Variants in EFCAB6 observed in about 807,000 individuals in gnomAD.
EFCAB6 encodes EF-hand calcium binding domain 6, also known as EF-hand calcium-binding domain-containing protein 6.
Under a neutral mutation model 169.8 loss-of-function variants are expected in EFCAB6, and 156 were observed. The ratio of observed to expected loss-of-function variants is 0.92; its 90% confidence interval spans 0.81 to 1.05. The LOEUF (loss-of-function observed/expected upper bound fraction) is 1.05. EFCAB6 is among the 50% of genes least tolerant of loss of function. The pLI, the probability that EFCAB6 is intolerant of heterozygous loss-of-function variation, is 0.00. For synonymous variants in EFCAB6, 698 were observed against 676.4 expected (o/e 1.03, Z -0.50); for missense variants, 1,800 against 1,829.1 (o/e 0.98, Z 0.29).
rs181851049 is a variant in EFCAB6, at chr22:43,719,104, G to A, written c.758-2132C>T. On this transcript the variant is annotated intron_variant, in intron 8 of 31. Coordinates refer to ENST00000262726, the MANE Select transcript of EFCAB6 (RefSeq NM_022785.4). ...AAGGGTGGAGAAGGGATTAGGGTGTGAGGCCTGCCCTGGGGAGCTCACGGC... is the reference window on the plus strand; with the variant it reads ...AAGGGTGGAGAAGGGATTAGGGTGTAAGGCCTGCCCTGGGGAGCTCACGGC... 3.3e-5 allele frequency among the ~76,000 whole-genome samples: 5 copies of A among 152,300 alleles called. No individual in the cohort carries two copies. In the East Asian group the frequency reaches 9.7e-4, roughly 29 times the overall value.
chr22:43,580,664 T>G lies in EFCAB6; in HGVS notation c.3033-5A>C. The G allele has an allele frequency of 6.2e-7, 1 of 1,613,018 alleles. No homozygotes were observed. The highest frequency in any genetic ancestry group is 8.5e-7 in the Non-Finnish European group (1 of 1,179,676). ...TCATGCCGGCTGACTCCCCAACTTG[T>G]CCCAAAAGGAAGAAAAGAACATATT... On this transcript the variant is annotated splice_polypyrimidine_tract_variant and splice_region_variant and intron_variant, in intron 24 of 31. Coordinates refer to ENST00000262726, the MANE Select transcript of EFCAB6 (RefSeq NM_022785.4).
At chr22:43,711,416 C>A in intron 10 of EFCAB6, 59 bp downstream of exon 10, 1 of 1,476,662 alleles carries the variant, frequency 6.8e-7, no homozygotes. Context: ...GAAGCTGTGC[C>A]TTATTCTTAC....
At chr22:43,672,930 CA>C (rs1251750806) in intron 13 of EFCAB6, among the ~76,000 whole-genome samples, 1 of 151,762 alleles carries the variant, frequency 6.6e-6, no homozygotes. Context: ...GTACAATAAA[CA>C]CACAAAAAAA....
chr22:43,636,672 G>A (rs980669667), intron 17 of EFCAB6, among the ~76,000 whole-genome samples: 5 of 147,506 alleles, frequency 3.4e-5, no homozygotes, highest in Non-Finnish European at 7.4e-5. Context: ...GTGCAACGGT[G>A]CTACCTAGGT....
intron 2 of EFCAB6, among the ~76,000 whole-genome samples, chr22:43,794,244 G>C (rs1311965670): frequency 6.6e-6 from 1 of 152,180 alleles, no homozygotes; most frequent in East Asian, 1.9e-4. Flanking sequence ...ATTACGTTTA[G>C]GTCCTTCAAC....
At chr22:43,785,882 T>C (rs1418025850) in intron 2 of EFCAB6, among the ~76,000 whole-genome samples, 2 of 152,128 alleles carry the variant, frequency 1.3e-5, no homozygotes, top group Non-Finnish European at 2.9e-5. Context: ...GCTAACAAAT[T>C]AGGTAACCTA....
intron 27 of EFCAB6, chr22:43,553,168 C>A (rs1232821161): frequency 6.6e-6 from 1 of 152,098 alleles, no homozygotes; most frequent in Non-Finnish European, 1.5e-5. Flanking sequence ...AAGGCCTTAC[C>A]CTGCAACTCT....
At chr22:43,737,613 TCA>T (rs572261569) in intron 6 of EFCAB6, among the ~76,000 whole-genome samples, 236 of 136,772 alleles carry the variant, frequency 1.7e-3, no homozygotes, top group African/African-American at 5.8e-3. Flanking sequence ...ACACATATAT[TCA>T]CACACACACA....
At chr22:43,761,323 C>G (rs897501619) in intron 5 of EFCAB6, among the ~76,000 whole-genome samples, 5 of 152,122 alleles carry the variant, frequency 3.3e-5, no homozygotes, top group Admixed American at 6.5e-5. Flanking sequence ...TTTTGGAAAT[C>G]CAATTAAAAG....
chr22:43,580,542 A>C lies in EFCAB6; in HGVS notation c.3150T>G (p.Asn1050Lys). Residue 1050 changes from asparagine to lysine, a missense_variant, in exon 25 of 32, where the codon AAT (asparagine) becomes AAG (lysine). Coordinates refer to ENST00000262726, the MANE Select transcript of EFCAB6 (RefSeq NM_022785.4). ...CCTCCTGTGGATTCAGCGTTGCAAAATTGATTGGCATGCTCTCTTCTTTTT... is the reference window on the plus strand; with the variant it reads ...CCTCCTGTGGATTCAGCGTTGCAAACTTGATTGGCATGCTCTCTTCTTTTT... ...PKEKEESMPI[N>K]FATLNPQEAV... The C allele has an allele frequency of 6.2e-7, 1 of 1,613,998 alleles. No individual in the cohort carries two copies. Among genetic ancestry groups the C allele is most frequent in the Middle Eastern group, 1.6e-4 (1 of 6,062 alleles).
intron 27 of EFCAB6, chr22:43,553,094 A>C (rs1467444537): frequency 6.6e-6 from 1 of 152,234 alleles, no homozygotes; most frequent in Non-Finnish European, 1.5e-5. Flanking sequence ...TGGGGCAGTG[A>C]GTTCAGAGCT....
chr22:43,729,378 T>G (rs1321391046), intron 8 of EFCAB6, among the ~76,000 whole-genome samples: 1 of 152,108 alleles, frequency 6.6e-6, no homozygotes, highest in Admixed American at 6.5e-5. Context: ...ATTACAGGCG[T>G]GAGCCACCAT....
At chr22:43,566,832 C>T (rs1188490504) in intron 26 of EFCAB6, among the ~76,000 whole-genome samples, 1 of 143,944 alleles carries the variant, frequency 6.9e-6, no homozygotes, top group South Asian at 2.1e-4. Context: ...CCCAGGGAGG[C>T]AAGCAAGGGT....
At chr22:43,651,467 G>A (rs187856579) in intron 17 of EFCAB6, among the ~76,000 whole-genome samples, 74 of 152,374 alleles carry the variant, frequency 4.9e-4, no homozygotes, top group African/African-American at 1.6e-3. Flanking sequence ...AAGTTTGCCC[G>A]CAGGGGCAGG....
chr22:43,626,327 A>G (rs137723), intron 20 of EFCAB6, 120 bp downstream of exon 20: 230,454 of 1,053,908 alleles, frequency 0.22, 25,680 homozygotes, highest in Middle Eastern at 0.27. Flanking sequence ...TGAACCAAGA[A>G]AAAGAAAAAA....
At chr22:43,538,328 C>T (rs368250472) in intron 28 of EFCAB6, among the ~76,000 whole-genome samples, 12 of 152,254 alleles carry the variant, frequency 7.9e-5, no homozygotes, top group African/African-American at 7.2e-5. Flanking sequence ...AAGCCACCAT[C>T]GCCTCTGCTA....
At chr22:43,754,850 G>C (rs559522410) in intron 6 of EFCAB6, among the ~76,000 whole-genome samples, 3 of 152,276 alleles carry the variant, frequency 2.0e-5, no homozygotes, top group African/African-American at 2.4e-5. Context: ...AATATCAATT[G>C]CACGACAAAA....
intron 26 of EFCAB6, among the ~76,000 whole-genome samples, chr22:43,559,827 A>G (rs764937123): frequency 1.5e-4 from 23 of 152,166 alleles, no homozygotes; most frequent in Non-Finnish European, 2.5e-4. Context: ...ACACATGAAC[A>G]CAGGGAGGGG....
intron 2 of EFCAB6, among the ~76,000 whole-genome samples, chr22:43,808,783 A>AT (rs1188563709): frequency 6.6e-6 from 1 of 152,250 alleles, no homozygotes; most frequent in Non-Finnish European, 1.5e-5. Flanking sequence ...AACTGGCAGG[A>AT]TGGAAACACC....
Sources: allele counts gnomAD v4.1 joint callset (sites outside exome capture counted in the v4.1 genomes callset), GRCh38; gene constraint gnomAD v4.1.1; transcripts MANE v1.5; gene names NCBI Gene and HGNC (gene_info 2026-07-23, HGNC 2026-07-21).